Variants in TMEM63A observed in about 807,000 individuals in gnomAD.
TMEM63A encodes the protein transmembrane protein 63A.
TMEM63A carries 76 observed loss-of-function variants against 100.6 expected under a neutral mutation model. That is an observed-to-expected ratio of 0.76 (90% confidence interval 0.63 to 0.91). TMEM63A has a LOEUF of 0.91. TMEM63A is among the 40% of genes least tolerant of loss of function. TMEM63A has a pLI of 0.00. For missense variants in TMEM63A, 876 were observed against 1,008.8 expected (o/e 0.87, Z 1.78); for synonymous variants, 401 against 401.1 (o/e 1.00, Z 0.00).
Position 225,875,818 on chromosome 1 carries a change from C to G in TMEM63A, c.187-1451G>C, listed in dbSNP as rs181899297. Among the ~76,000 whole-genome samples, 524 of 151,870 alleles carry G rather than the reference C, an allele frequency of 3.5e-3. 1 individual carries two copies. The highest frequency in any genetic ancestry group is 0.012 in the African/African-American group (487 of 41,376). The stretch of plus-strand genomic sequence containing the variant: ...ATGGCTCACTCCTGTAATCCCAGCA[C>G]TTTGGGAGGCCAAGGCTGGTGAATC... On this transcript the variant is annotated intron_variant, in intron 3 of 24. Transcript: ENST00000366835.
chr1:225,866,481 G>C, intron 9 of TMEM63A, 93 bp downstream of exon 9: 1 of 1,149,870 alleles, frequency 8.7e-7, no homozygotes, highest in South Asian at 1.3e-5. Flanking sequence ...GCTCATTGCA[G>C]TCAGGGCCTG....
At chr1:225,844,934 C>CTG (rs1668808691), downstream of TMEM63A, among the ~76,000 whole-genome samples, 2 of 152,162 alleles carry the variant, frequency 1.3e-5, no homozygotes, top group South Asian at 4.1e-4. Flanking sequence ...GATTTAGAGG[C>CTG]TGTCCCATGC....
chr1:225,850,873 G>A (rs981027240), intron 20 of TMEM63A, among the ~76,000 whole-genome samples: 15 of 151,934 alleles, frequency 9.9e-5, no homozygotes, highest in African/African-American at 2.7e-4. Flanking sequence ...CACCATGCCC[G>A]GCTAATTTTT....
intron 22 of TMEM63A, 123 bp from the exon 23 acceptor site, chr1:225,848,677 C>T: frequency 9.0e-7 from 1 of 1,114,364 alleles, no homozygotes; most frequent in Non-Finnish European, 1.3e-6. Context: ...AGCTCCCCAG[C>T]AGCCCGAGAG....
chr1:225,849,958 G>A lies in TMEM63A; in HGVS notation c.2025C>T (p.Pro675=). Reference sequence around the variant, plus strand: ...AGTAGAGCCAGAAGAGGCACAGGATGGGGGCTGCCAAGGCCTGGTTCACAG... The same window carrying A: ...AGTAGAGCCAGAAGAGGCACAGGATAGGGGCTGCCAAGGCCTGGTTCACAG... ...FAAVNQALAA[P]ILCLFWLYFF... is the part of the protein sequence containing the mutation. The change falls in exon 21 of 25, where the codon CCC becomes CCT. Residue 675 remains proline, a synonymous_variant. Transcript: ENST00000366835. 3 of 1,614,240 alleles carry A rather than the reference G, an allele frequency of 1.9e-6. No homozygotes were observed. The highest frequency in any genetic ancestry group is 2.5e-6 in the Non-Finnish European group (3 of 1,180,034).
intron 16 of TMEM63A, 39 bp downstream of exon 16, chr1:225,856,872 C>A (rs1190052662): frequency 3.1e-6 from 5 of 1,600,244 alleles, no homozygotes; most frequent in Non-Finnish European, 4.3e-6. Flanking sequence ...CAGAGATATC[C>A]TTCTTAGGGG....
chr1:225,872,218 T>C (rs1428394120), intron 4 of TMEM63A, among the ~76,000 whole-genome samples, 165 bp from the exon 5 acceptor site: 4 of 152,078 alleles, frequency 2.6e-5, no homozygotes, highest in East Asian at 1.9e-4. Context: ...CTGTGAAAGA[T>C]AGAGACAAGG....
chr1:225,866,119 A>C lies in TMEM63A; in HGVS notation c.676-152T>G, dbSNP rs1670195197. 5 of 734,670 alleles carry C rather than the reference A, an allele frequency of 6.8e-6. No individual in the cohort carries two copies. The South Asian group carries it at 8.4e-5, about 12-fold the overall frequency. The allele number at this position is 734,670 out of a possible 1,614,324, so 45.5% of individuals were successfully genotyped here. On this transcript the variant is annotated intron_variant, in intron 9 of 24. Coordinates refer to ENST00000366835, the MANE Select transcript of TMEM63A (RefSeq NM_014698.3). ...CTTCTGTGGCCGGGGGAGCCCCCAA[A>C]GCATGTCATTTACACAGCGTCTTCT...
At chr1:225,859,390 C>T (rs752547384) in intron 14 of TMEM63A, 41 bp from the exon 15 acceptor site, 5 of 1,609,662 alleles carry the variant, frequency 3.1e-6, no homozygotes, top group Non-Finnish European at 4.2e-6. Context: ...GGCTTGTCTC[C>T]CAGTGCTCGT....
chr1:225,856,061 A>G (rs1316079147), intron 17 of TMEM63A, 121 bp from the exon 18 acceptor site: 2 of 976,456 alleles, frequency 2.0e-6, no homozygotes, highest in Non-Finnish European at 3.1e-6. Context: ...TTTGTTCTCA[A>G]CGATGCCACT....
rs758040194 is a variant in TMEM63A, at chr1:225,865,864, G to T, written c.746+33C>A. ...GGGCTGTGTTGGTCCTACGTGGAGG[G>T]GGCTCAGCTCCCCTCCCACCCCACC... is the stretch of plus-strand genomic sequence containing the variant. On this transcript the variant is annotated intron_variant, in intron 10 of 24. Coordinates refer to ENST00000366835, the MANE Select transcript of TMEM63A (RefSeq NM_014698.3). The surrounding 1 kb of genome is among the most constrained non-coding windows in gnomAD (Gnocchi z 4.6). 1 of 1,611,112 alleles carries T rather than the reference G, an allele frequency of 6.2e-7. No individual in the cohort carries two copies. Among genetic ancestry groups the T allele is most frequent in the East Asian group, 2.2e-5 (1 of 44,746 alleles).
At chr1:225,876,091 A>T (rs1670788575) in intron 3 of TMEM63A, among the ~76,000 whole-genome samples, 1 of 142,822 alleles carries the variant, frequency 7.0e-6, no homozygotes, top group Non-Finnish European at 1.5e-5. Context: ...AAAAAAAAAA[A>T]AAAAAAAAAA....
chr1:225,859,126 T>A (rs1669805032), intron 15 of TMEM63A, 70 bp downstream of exon 15: 5 of 1,605,320 alleles, frequency 3.1e-6, no homozygotes, highest in Non-Finnish European at 3.4e-6. Context: ...CTGTCCCCAC[T>A]CCTTCCCCAC....
At chr1:225,875,643 C>T (rs1054910256) in intron 3 of TMEM63A, among the ~76,000 whole-genome samples, 1 of 152,180 alleles carries the variant, frequency 6.6e-6, no homozygotes, top group Non-Finnish European at 1.5e-5. Flanking sequence ...GGTGCCTGCC[C>T]TCTCTGTCCA....
Position 225,853,830 on chromosome 1 carries a change from G to A in TMEM63A, c.1635-39C>T, listed in dbSNP as rs765748705. 110 of 1,531,686 alleles carry A rather than the reference G, an allele frequency of 7.2e-5. No homozygotes were observed. The highest frequency in any genetic ancestry group is 1.7e-4 in the Middle Eastern group (1 of 5,716). 94.9% of individuals were successfully genotyped at this position (1,531,686 alleles called of 1,614,324 possible). Reference sequence around the variant, plus strand: ...GGCCCAGGTCTGTGAGCTGAGAGCCGCTCTTGGAGGGAGAGGAGGGGCCCC... The same window carrying A: ...GGCCCAGGTCTGTGAGCTGAGAGCCACTCTTGGAGGGAGAGGAGGGGCCCC... On this transcript the variant is annotated intron_variant, in intron 18 of 24. Transcript: ENST00000366835. The surrounding 1 kb of genome is among the most constrained non-coding windows in gnomAD (Gnocchi z 4.0).
At chr1:225,842,161 G>A (rs570781679), downstream of TMEM63A, among the ~76,000 whole-genome samples, 44 of 152,356 alleles carry the variant, frequency 2.9e-4, no homozygotes, top group African/African-American at 8.9e-4. Flanking sequence ...GGAAGGTATC[G>A]TCCCTGTTTA....
intron 3 of TMEM63A, among the ~76,000 whole-genome samples, chr1:225,876,097 A>T (rs1007647541): frequency 2.0e-4 from 26 of 129,048 alleles, no homozygotes; most frequent in African/African-American, 7.3e-4. Context: ...AAAAAAAAAA[A>T]AAAATTCACC....
rs1423875838 is a variant in TMEM63A, at chr1:225,862,719, C to A, written c.827+52G>T. ...CGCCTCCCTTCCTAGCTGGGAGATG[C>A]GAGGCCAGCAAGGAAGGAGGGGGCA... On this transcript the variant is annotated intron_variant, in intron 11 of 24. Coordinates refer to ENST00000366835, the MANE Select transcript of TMEM63A (RefSeq NM_014698.3). The surrounding 1 kb of genome is among the most constrained non-coding windows in gnomAD (Gnocchi z 5.1). 5.5e-5 allele frequency: 89 copies of A among 1,611,594 alleles called. No individual in the cohort carries two copies. Among genetic ancestry groups the A allele is most frequent in the Non-Finnish European group, 7.4e-5 (87 of 1,178,452 alleles).
In TMEM63A at chr1:225,848,968, GCAGCAGCACCAGGAAGGTGAA is replaced by G. The variant is rs1313170310; in HGVS notation, c.2095_2115del (p.Phe699_Leu705del). The G allele has an allele frequency of 8.9e-6, 14 of 1,571,048 alleles. No homozygotes were observed. The highest frequency in any genetic ancestry group is 1.2e-5 in the Non-Finnish European group (14 of 1,156,942). The stretch of plus-strand genomic sequence containing the variant: ...TGAGCCAGGCAGACCAGGATGGTGA[GCAGCAGCACCAGGAAGGTGAA>G]CAGAGTGGCGGGGGCCTTCATACCT... On this transcript the variant is annotated inframe_deletion, in exon 22 of 25. Coordinates refer to ENST00000366835, the MANE Select transcript of TMEM63A (RefSeq NM_014698.3).
Sources: allele counts gnomAD v4.1 joint callset (sites outside exome capture counted in the v4.1 genomes callset), GRCh38; gene constraint gnomAD v4.1.1; non-coding constraint Gnocchi (gnomAD v3.1); transcripts MANE v1.5; gene names NCBI Gene and HGNC (gene_info 2026-07-23, HGNC 2026-07-21).